Variants in PKHD1 observed in about 807,000 individuals in gnomAD.
PKHD1 encodes PKHD1 ciliary IPT domain containing fibrocystin/polyductin.
PKHD1 carries 291 observed loss-of-function variants against 412.0 expected under a neutral mutation model. The observed-to-expected ratio is 0.71, with a 90% confidence interval of 0.64 to 0.78. The LOEUF (loss-of-function observed/expected upper bound fraction) is 0.78, where lower values mean the gene tolerates loss of function less well. Among genes scored for constraint, PKHD1 ranks in the 30% least tolerant of loss-of-function variants. The pLI, the probability that PKHD1 is intolerant of heterozygous loss-of-function variation, is 0.00. For synonymous variants in PKHD1, 1,777 were observed against 1,821.5 expected (o/e 0.98, Z 0.62); for missense variants, 4,825 against 4,950.7 (o/e 0.97, Z 0.76).
intron 5 of PKHD1, among the ~76,000 whole-genome samples, chr6:52,077,749 G>C (rs151200182): frequency 2.6e-5 from 4 of 152,278 alleles, no homozygotes; most frequent in Admixed American, 6.5e-5. Flanking sequence ...CAGAAAATAT[G>C]TGGTGTCAGG....
At chr6:51,664,906 A>G (rs1773471853) in intron 60 of PKHD1, among the ~76,000 whole-genome samples, 1 of 152,134 alleles carries the variant, frequency 6.6e-6, no homozygotes, top group South Asian at 2.1e-4. Context: ...ACCTTCAGAA[A>G]GTTAATAATT....
intron 37 of PKHD1, among the ~76,000 whole-genome samples, chr6:51,920,407 G>T (rs369775147): frequency 1.3e-5 from 2 of 151,924 alleles, no homozygotes; most frequent in African/African-American, 2.4e-5. Flanking sequence ...TCTTTGGTTC[G>T]GTTTATATGC....
chr6:51,906,642 T>C (rs183041466), intron 40 of PKHD1, among the ~76,000 whole-genome samples: 1 of 152,194 alleles, frequency 6.6e-6, no homozygotes, highest in East Asian at 1.9e-4. Flanking sequence ...CTGGCTATCA[T>C]CTTTAGTATC....
rs986294499 is a variant in PKHD1, at chr6:52,025,937, G to A, written c.3873C>T (p.Phe1291=). Residue 1291 remains phenylalanine, a synonymous_variant, in exon 32 of 67, where the codon TTC becomes TTT. Coordinates refer to ENST00000371117, the MANE Select transcript of PKHD1 (RefSeq NM_138694.4). ...GPSPSLVGKG[F]TFMYEAAATP... is the part of the protein sequence containing the mutation. Reference sequence around the variant, plus strand: ...TTGCTGCCGCTTCATACATGAAGGTGAAGCCTTTCCCCACCAAGCTTGGTG... The same window carrying A: ...TTGCTGCCGCTTCATACATGAAGGTAAAGCCTTTCCCCACCAAGCTTGGTG... 6.2e-7 allele frequency: 1 copy of A among 1,614,160 alleles called. No individual in the cohort carries two copies. Among genetic ancestry groups the A allele is most frequent in the Non-Finnish European group, 8.5e-7 (1 of 1,180,038 alleles).
At chr6:51,849,213 C>T (rs1255414859) in intron 49 of PKHD1, among the ~76,000 whole-genome samples, 1 of 152,166 alleles carries the variant, frequency 6.6e-6, no homozygotes, top group Non-Finnish European at 1.5e-5. Flanking sequence ...TCATCCATGT[C>T]CCTGAAAAGG....
chr6:51,888,350 T>C lies in PKHD1; in HGVS notation c.6997-1105A>G, dbSNP rs150976129. On this transcript the variant is annotated intron_variant, in intron 43 of 66. Coordinates refer to ENST00000371117, the MANE Select transcript of PKHD1 (RefSeq NM_138694.4). ...GATCAAACTGAACACAATGAGGTTA[T>C]CTTTATAAATTCAATGAAGTACCTA... Among the ~76,000 whole-genome samples, 44 of 152,332 alleles carry C rather than the reference T, an allele frequency of 2.9e-4. No individual in the cohort carries two copies. In the East Asian group the frequency reaches 8.5e-3, roughly 29 times the overall value.
intron 35 of PKHD1, among the ~76,000 whole-genome samples, chr6:51,988,408 A>G (rs1796466319): frequency 6.6e-6 from 1 of 152,244 alleles, no homozygotes; most frequent in African/African-American, 2.4e-5. Flanking sequence ...TATGTCGCCA[A>G]TTAGAAACTT....
intron 60 of PKHD1, among the ~76,000 whole-genome samples, chr6:51,683,856 G>A (rs1777049858): frequency 6.6e-6 from 1 of 151,818 alleles, no homozygotes; most frequent in Non-Finnish European, 1.5e-5. Flanking sequence ...TTAAACGAGA[G>A]ACACAGTGTT....
At chr6:51,853,840 C>T (rs1772772165) in intron 49 of PKHD1, among the ~76,000 whole-genome samples, 1 of 152,050 alleles carries the variant, frequency 6.6e-6, no homozygotes, top group South Asian at 2.1e-4. Context: ...AGGTTCTTAG[C>T]CTCTTTGCAT....
intron 43 of PKHD1, among the ~76,000 whole-genome samples, chr6:51,898,193 C>T (rs1268410509): frequency 2.0e-5 from 3 of 152,140 alleles, no homozygotes; most frequent in Non-Finnish European, 2.9e-5. Context: ...CTCTCCACCT[C>T]AAATCAACAG....
intron 18 of PKHD1, 54 bp from the exon 19 acceptor site, chr6:52,055,783 GAGCT>G: frequency 6.3e-7 from 1 of 1,584,982 alleles, no homozygotes; most frequent in Non-Finnish European, 8.6e-7. Context: ...AAAAAAGACA[GAGCT>G]TCCCTACATG....
Position 52,025,304 on chromosome 6 carries a change from C to T in PKHD1, c.4506G>A (p.Val1502=), listed in dbSNP as rs2128143557. The stretch of plus-strand genomic sequence containing the variant: ...TGGCTAACCTCTGACCCCTAATCAG[C>T]ACAGTGGTCAGAGACCCACTGGTGT... The part of the protein sequence containing the change: ...STNTSGSLTT[V]LIRGQRLATT... The change falls in exon 32 of 67, where the codon GTG becomes GTA. Residue 1502 remains valine (V), a synonymous_variant. Transcript: ENST00000371117. 6.2e-7 allele frequency: 1 copy of T among 1,614,070 alleles called. No individual in the cohort carries two copies. The highest frequency in any genetic ancestry group is 8.5e-7 in the Non-Finnish European group (1 of 1,180,012).
intron 52 of PKHD1, among the ~76,000 whole-genome samples, chr6:51,797,157 T>G (rs1794744544): frequency 6.6e-6 from 1 of 152,166 alleles, no homozygotes. Context: ...GATTGTGCTG[T>G]GCTATGAGAG....
Position 51,887,720 on chromosome 6 carries a change from C to T in PKHD1, c.6997-475G>A, listed in dbSNP as rs567027687. ...GTAAAGGCTCCCTGAGACCTGAGAC[C>T]TCCCCAGAAATTGATGCTTCCATGT... is the stretch of plus-strand genomic sequence containing the variant. On this transcript the variant is annotated intron_variant, in intron 43 of 66. Transcript: ENST00000371117. Among the ~76,000 whole-genome samples, 8 of 152,260 alleles carry T rather than the reference C, an allele frequency of 5.3e-5. 1 individual carries two copies. In the South Asian group the frequency reaches 1.7e-3, roughly 32 times the overall value.
intron 59 of PKHD1, among the ~76,000 whole-genome samples, chr6:51,745,719 T>C (rs1194203173): frequency 6.6e-6 from 1 of 152,142 alleles, no homozygotes; most frequent in Non-Finnish European, 1.5e-5. Flanking sequence ...ATAAAATAAA[T>C]AAATTTCTGT....
chr6:51,903,643 A>G lies in PKHD1; in HGVS notation c.6950T>C (p.Leu2317Ser), dbSNP rs768175791. The change falls in exon 43 of 67, where the codon TTG (leucine) becomes TCG (serine). Residue 2317 changes from leucine to serine, a missense_variant. Physicochemically the swap from Leu to Ser is moderately radical, Grantham distance 145 (BLOSUM62 -2). Transcript: ENST00000371117. ...GAEGLSNPEM[L>S]TPSGIYICSP... ...GCAGATATAGATGCCAGATGGTGTC[A>G]ACATTTCAGGATTGGAGAGTCCCTC... 36 of 1,611,724 alleles carry G rather than the reference A, an allele frequency of 2.2e-5. No individual in the cohort carries two copies. Among genetic ancestry groups the G allele is most frequent in the Non-Finnish European group, 3.0e-5 (35 of 1,178,170 alleles).
intron 60 of PKHD1, among the ~76,000 whole-genome samples, chr6:51,663,310 T>G (rs140624084): frequency 6.6e-6 from 1 of 152,128 alleles, no homozygotes; most frequent in African/African-American, 2.4e-5. Context: ...AATCTCTGGC[T>G]TTGTTCTTCC....
At chr6:51,976,742 G>T (rs1270651151) in intron 35 of PKHD1, among the ~76,000 whole-genome samples, 1 of 152,138 alleles carries the variant, frequency 6.6e-6, no homozygotes, top group East Asian at 1.9e-4. Flanking sequence ...AAGGCCAAGG[G>T]ATCGAGACCA....
rs186669621 is a variant in PKHD1, at chr6:51,917,095, C to T, written c.6122-4519G>A. On this transcript the variant is annotated intron_variant, in intron 37 of 66. Coordinates refer to ENST00000371117, the MANE Select transcript of PKHD1 (RefSeq NM_138694.4). ...TCACTAATTGTCCTCTGTTTGCTTA[C>T]TTTGTAGGACTTAAATCTTTATTCT... Among the ~76,000 whole-genome samples the T allele has an allele frequency of 8.7e-4, 112 of 128,436 alleles. No individual in the cohort carries two copies. In the South Asian group the frequency reaches 0.015, roughly 17 times the overall value. The allele number at this position is 128,436 out of a possible 152,430, so 84.3% of individuals were successfully genotyped here. A position where few individuals can be genotyped will look rare whatever the true frequency, so the allele number is the denominator to read the frequency against.
Sources: allele counts gnomAD v4.1 joint callset (sites outside exome capture counted in the v4.1 genomes callset), GRCh38; gene constraint gnomAD v4.1.1; transcripts MANE v1.5; gene names NCBI Gene and HGNC (gene_info 2026-07-23, HGNC 2026-07-21).